DAAM2: variants seen among roughly 807,000 people sequenced by gnomAD.
DAAM2 encodes dishevelled associated activator of morphogenesis 2.
Under a neutral mutation model 120.7 loss-of-function variants are expected in DAAM2, and 39 were observed. The observed-to-expected ratio is 0.32, with a 90% CI of 0.25 to 0.42. The LOEUF (loss-of-function observed/expected upper bound fraction) is 0.42, where lower values mean the gene tolerates loss of function less well. Among genes scored for constraint, DAAM2 ranks in the 10% least tolerant of loss-of-function variants. The probability of loss-of-function intolerance (pLI) is 1.00; values close to 1 mark genes in which losing one functional copy is unlikely to be tolerated. For synonymous variants in DAAM2, 488 were observed against 524.9 expected (o/e 0.93, Z 0.96); for missense variants, 1,283 against 1,401.7 (o/e 0.92, Z 1.35).
intron 7 of DAAM2, among the ~76,000 whole-genome samples, chr6:39,869,753 CT>C (rs531295826): frequency 0.12 from 12,655 of 101,702 alleles, 1,007 homozygotes; most frequent in African/African-American, 0.23. Flanking sequence ...CGCCAGCATA[CT>C]TTTTTTTTTT....
intron 19 of DAAM2, among the ~76,000 whole-genome samples, chr6:39,895,258 C>T (rs375242542): frequency 3.3e-4 from 22 of 66,752 alleles, no homozygotes; most frequent in East Asian, 9.0e-4. Context: ...TTATTTGAGA[C>T]GGAGCCTCAC....
intron 14 of DAAM2, among the ~76,000 whole-genome samples, chr6:39,882,547 T>A (rs1175256148): frequency 1.3e-5 from 2 of 152,028 alleles, no homozygotes; most frequent in Non-Finnish European, 2.9e-5. Context: ...GAGGCCTCCC[T>A]GCAGATCAGA....
chr6:39,875,674 G>A (rs891015943), intron 11 of DAAM2, among the ~76,000 whole-genome samples: 2 of 152,186 alleles, frequency 1.3e-5, no homozygotes, highest in Non-Finnish European at 2.9e-5. Context: ...TGTGGCTATG[G>A]AGTACTTGAC....
chr6:39,833,421 C>G (rs1762989857), intron 1 of DAAM2, among the ~76,000 whole-genome samples: 1 of 152,152 alleles, frequency 6.6e-6, no homozygotes, highest in Middle Eastern at 3.2e-3. Flanking sequence ...TCTTCTGCCT[C>G]AGCCTCCCAA....
chr6:39,801,716 A>G (rs1488377262), intron 1 of DAAM2, among the ~76,000 whole-genome samples: 1 of 152,210 alleles, frequency 6.6e-6, no homozygotes, highest in Admixed American at 6.5e-5. Flanking sequence ...TCCATCCAGA[A>G]TGCCAAAGCA....
chr6:39,817,052 C>T (rs2114102723), intron 1 of DAAM2, among the ~76,000 whole-genome samples: 1 of 152,342 alleles, frequency 6.6e-6, no homozygotes, highest in East Asian at 1.9e-4. Context: ...CTCAGCAGAG[C>T]TCTGAACATT....
intron 1 of DAAM2, among the ~76,000 whole-genome samples, chr6:39,808,745 T>A (rs1423116147): frequency 1.3e-5 from 2 of 152,256 alleles, no homozygotes; most frequent in Admixed American, 1.3e-4. Flanking sequence ...CCTTTGTCCT[T>A]GACCCAGTCC....
At chr6:39,848,959 C>T (rs184463122) in intron 1 of DAAM2, 2 of 152,294 alleles carry the variant, frequency 1.3e-5, no homozygotes, top group East Asian at 3.9e-4. Context: ...TAAATAATTA[C>T]ATCTTTATTA....
rs1182399309 is a variant in DAAM2 at position 39,903,785 on chromosome 6, G to C, written c.*1748G>C. On this transcript the variant is annotated 3_prime_UTR_variant, in exon 25 of 25. Transcript: ENST00000274867. ...AACACAGGGTCGGTGAGCCCAGCAT[G>C]TGCGTTGGTTTGAGGGGGCGGGCGG... The C allele has an allele frequency of 5.3e-6, 1 of 187,838 alleles. No homozygotes were observed. The highest frequency in any genetic ancestry group is 1.1e-5 in the Non-Finnish European group (1 of 89,770). 11.6% of individuals were successfully genotyped at this position (187,838 alleles called of 1,614,324 possible). A position where few individuals can be genotyped will look rare whatever the true frequency, so the allele number is the denominator to read the frequency against.
At chr6:39,797,885 A>G (rs1483683756) in intron 1 of DAAM2, among the ~76,000 whole-genome samples, 1 of 152,244 alleles carries the variant, frequency 6.6e-6, no homozygotes, top group Non-Finnish European at 1.5e-5. Flanking sequence ...ACAAGATACC[A>G]TAGATTAGAA....
chr6:39,800,854 GC>G (rs907338381), intron 1 of DAAM2, among the ~76,000 whole-genome samples: 3 of 152,170 alleles, frequency 2.0e-5, no homozygotes, highest in Non-Finnish European at 4.4e-5. Context: ...GCCCAGTGCT[GC>G]CTCCAACCTG....
At chr6:39,899,626 A>C (rs1476180116) in intron 22 of DAAM2, 1 of 158,580 alleles carries the variant, frequency 6.3e-6, no homozygotes, top group African/African-American at 2.4e-5. Context: ...GGGGAAGATG[A>C]TTTCCAAATT....
At chr6:39,857,145 TAGAC>T (rs1461946517) in intron 2 of DAAM2, among the ~76,000 whole-genome samples, 5 of 152,280 alleles carry the variant, frequency 3.3e-5, no homozygotes, top group African/African-American at 1.2e-4. Flanking sequence ...TGGCCACAAA[TAGAC>T]AGGCTAGGAA....
intron 1 of DAAM2, among the ~76,000 whole-genome samples, chr6:39,800,905 A>G (rs1447084090): frequency 1.3e-5 from 2 of 152,170 alleles, no homozygotes; most frequent in East Asian, 3.9e-4. Flanking sequence ...AACCCTTCCT[A>G]ACAAGCCTGC....
chr6:39,845,289 TAC>T (rs1246160284), intron 1 of DAAM2, among the ~76,000 whole-genome samples: 59 of 3,296 alleles, frequency 0.018, no homozygotes, highest in African/African-American at 0.05. Flanking sequence ...ACCCCATCTA[TAC>T]ACACATCACA....
intron 14 of DAAM2, among the ~76,000 whole-genome samples, chr6:39,883,121 CCT>C (rs1765206137): frequency 6.6e-6 from 1 of 151,620 alleles, no homozygotes; most frequent in Non-Finnish European, 1.5e-5. Flanking sequence ...GTTGGAACAC[CCT>C]GTCAGGAGCT....
At chr6:39,871,112 G>A (rs932676663) in intron 8 of DAAM2, among the ~76,000 whole-genome samples, 2 of 152,186 alleles carry the variant, frequency 1.3e-5, no homozygotes, top group African/African-American at 4.8e-5. Context: ...GACATTGGGC[G>A]ATGCCTGCAG....
chr6:39,831,975 G>C (rs1762927019), intron 1 of DAAM2, among the ~76,000 whole-genome samples: 1 of 120,502 alleles, frequency 8.3e-6, no homozygotes, highest in Non-Finnish European at 1.7e-5. Flanking sequence ...GGGGGGGTAG[G>C]TGCACTGGGG....
In DAAM2 at chr6:39,828,570, C is replaced by CTTTTTTTTTTTTTTTT. The variant is rs1430820441; in HGVS notation, c.-56-27666_-56-27665insTTTTTTTTTTTTTTTT. Among the ~76,000 whole-genome samples, 41 of 142,582 alleles carry CTTTTTTTTTTTTTTTT rather than the reference C, an allele frequency of 2.9e-4. 2 individuals carry two copies. Among genetic ancestry groups the CTTTTTTTTTTTTTTTT allele is most frequent in the African/African-American group, 8.2e-4 (31 of 37,916 alleles). The allele number at this position is 142,582 out of a possible 152,430, so 93.5% of individuals were successfully genotyped here. On this transcript the variant is annotated intron_variant, in intron 1 of 24. Transcript: ENST00000274867. The stretch of plus-strand genomic sequence containing the variant: ...GCTAATTCCCTCCACCCCCCTCCGT[C>CTTTTTTTTTTTTTTTT]TTTTTTTTTTTGAGACGGATTCTTG...
Sources: gnomAD v4.1 joint callset for allele counts (sites outside exome capture counted in the v4.1 genomes callset) on GRCh38, gnomAD v4.1.1 for gene constraint, MANE v1.5 for transcripts, NCBI Gene and HGNC (gene_info 2026-07-23, HGNC 2026-07-21) for gene names.